CENPE: variants seen among roughly 807,000 people sequenced by gnomAD.
CENPE encodes the protein centromere-associated protein E.
In CENPE, 145 loss-of-function variants were observed where a neutral mutation model predicts 336.1. That is an observed-to-expected ratio of 0.43 (90% CI 0.38 to 0.50). The LOEUF (loss-of-function observed/expected upper bound fraction) is 0.50, where lower values mean the gene tolerates loss of function less well. Among genes scored for constraint, CENPE ranks in the 20% least tolerant of loss-of-function variants. The probability of loss-of-function intolerance (pLI) is 0.00; values close to 1 mark genes in which losing one functional copy is unlikely to be tolerated. For missense variants in CENPE, 2,719 were observed against 3,023.3 expected (o/e 0.90, Z 2.36); for synonymous variants, 1,013 against 984.8 (o/e 1.03, Z -0.54).
intron 8 of CENPE, among the ~76,000 whole-genome samples, chr4:103,191,363 G>T (rs1239580041): frequency 6.6e-6 from 1 of 152,150 alleles, no homozygotes; most frequent in African/African-American, 2.4e-5. Flanking sequence ...ATTTATTGTA[G>T]CACTATTCAC....
chr4:103,112,479 A>G (rs973056251), intron 46 of CENPE, among the ~76,000 whole-genome samples: 2 of 145,220 alleles, frequency 1.4e-5, no homozygotes, highest in Non-Finnish European at 3.0e-5. Flanking sequence ...ATATACTTAT[A>G]TATACTAAGT....
In CENPE at chr4:103,115,128, A is replaced by T. The variant is rs186928843; in HGVS notation, c.7443-576T>A. ...TCTGTATCTGCTGACCCTATTCTTT[A>T]CTTTTCTTTTCTTTTTTTTTTTGAG... On this transcript the variant is annotated intron_variant, in intron 45 of 48. Transcript: ENST00000265148. 4.0e-5 allele frequency among the ~76,000 whole-genome samples: 6 copies of T among 150,872 alleles called. No individual in the cohort carries two copies. The East Asian group carries it at 9.7e-4, about 24-fold the overall frequency.
intron 42 of CENPE, among the ~76,000 whole-genome samples, chr4:103,130,820 G>C (rs1751518563): frequency 1.3e-5 from 2 of 149,408 alleles, no homozygotes; most frequent in Admixed American, 1.3e-4. Context: ...GAATAGAATA[G>C]AGAGCTCAGA....
chr4:103,168,849 T>C (rs1755147884), intron 16 of CENPE, among the ~76,000 whole-genome samples: 1 of 152,182 alleles, frequency 6.6e-6, no homozygotes, highest in South Asian at 2.1e-4. Context: ...GAAAAGACCT[T>C]ATAAAGATGG....
Position 103,143,353 on chromosome 4 carries a change from G to T in CENPE, c.5199C>A (p.His1733Gln). 6.2e-7 allele frequency: 1 copy of T among 1,606,782 alleles called. No individual in the cohort carries two copies. The change falls in exon 34 of 49, where the codon CAC becomes CAA. Residue 1733 changes from histidine (H) to glutamine (Q), a missense_variant. By Grantham distance (24) the His-to-Gln change is conservative. This residue lies in a region of CENPE where 2,437 missense variants were observed against 2,513.3 expected (regional missense o/e 0.97). Coordinates refer to ENST00000265148, the MANE Select transcript of CENPE (RefSeq NM_001813.3). ...LKIVHMHLKE[H>Q]QETIDKLRGI... ...CTCTTAGTTTATCAATAGTTTCTTG[G>T]TGCTCCTTCAGATGCATGTGAACAA... is the stretch of plus-strand genomic sequence containing the variant.
intron 11 of CENPE, chr4:103,181,771 A>C: frequency 5.3e-6 from 1 of 189,534 alleles, no homozygotes; most frequent in Non-Finnish European, 1.1e-5. Context: ...CTAGCCAAAA[A>C]TATCTCTCCT....
At chr4:103,150,425 TACA>T (rs1479483582) in intron 26 of CENPE, among the ~76,000 whole-genome samples, 3 of 151,884 alleles carry the variant, frequency 2.0e-5, no homozygotes, top group African/African-American at 7.3e-5. Context: ...CTACCAAAAA[TACA>T]ACAATTAGCT....
At chr4:103,151,598 A>G (rs1046198964) in intron 25 of CENPE, among the ~76,000 whole-genome samples, 2 of 152,220 alleles carry the variant, frequency 1.3e-5, no homozygotes, top group African/African-American at 2.4e-5. Flanking sequence ...CATTCCTACC[A>G]TGAGAATTAG....
Position 103,177,000 on chromosome 4 carries a change from T to A in CENPE, c.1289A>T (p.Lys430Ile). The A allele has an allele frequency of 5.0e-6, 8 of 1,608,924 alleles. No homozygotes were observed. Among genetic ancestry groups the A allele is most frequent in the Non-Finnish European group, 6.8e-6 (8 of 1,178,278 alleles). ...RVTWCLGKIN[K>I]MKNSNYADQF... is the part of the protein sequence containing the mutation. ...ATCTGCATAGTTTGAGTTCTTCATT[T>A]TGTTAATTTTGCCAAGGCACCAAGT... The change falls in exon 14 of 49, where the codon AAA (lysine) becomes ATA (isoleucine). Residue 430 changes from lysine (K) to isoleucine (I), a missense_variant. This residue lies in a region of CENPE where 2,437 missense variants were observed against 2,513.3 expected (regional missense o/e 0.97). Transcript: ENST00000265148.
At chr4:103,174,668 T>C in intron 16 of CENPE, 68 bp downstream of exon 16, 1 of 1,150,912 alleles carries the variant, frequency 8.7e-7, no homozygotes, top group Non-Finnish European at 1.2e-6. Context: ...GCTTACATTA[T>C]AGAAAAAAGA....
chr4:103,169,450 C>G (rs1647286696), intron 16 of CENPE, among the ~76,000 whole-genome samples: 1 of 152,146 alleles, frequency 6.6e-6, no homozygotes, highest in South Asian at 2.1e-4. Context: ...CAAATTCAAT[C>G]TAAATGACCC....
intron 24 of CENPE, among the ~76,000 whole-genome samples, chr4:103,155,001 C>A (rs1183389512): frequency 6.6e-6 from 1 of 152,138 alleles, no homozygotes; most frequent in East Asian, 1.9e-4. Context: ...ATGGCAGATT[C>A]CAGCATGAGC....
intron 39 of CENPE, among the ~76,000 whole-genome samples, chr4:103,137,031 GAC>G (rs1474206386): frequency 1.3e-5 from 2 of 152,048 alleles, no homozygotes; most frequent in East Asian, 1.9e-4. Context: ...CTATAAAACA[GAC>G]ACAGTCATTT....
intron 9 of CENPE, among the ~76,000 whole-genome samples, chr4:103,185,493 T>G (rs1389584650): frequency 6.6e-6 from 1 of 152,072 alleles, no homozygotes; most frequent in Non-Finnish European, 1.5e-5. Flanking sequence ...TTGTACCACA[T>G]TATCTTTCTT....
Position 103,158,358 on chromosome 4 carries a change from G to A in CENPE, c.2975C>T (p.Ser992Phe). 1 of 1,609,436 alleles carries A rather than the reference G, an allele frequency of 6.2e-7. No individual in the cohort carries two copies. Among genetic ancestry groups the A allele is most frequent in the Non-Finnish European group, 8.5e-7 (1 of 1,177,940 alleles). The change falls in exon 24 of 49, where the codon TCC becomes TTC. Residue 992 changes from serine to phenylalanine, a missense_variant. By Grantham distance (155) the Ser-to-Phe change is radical. This residue lies in a region of CENPE where 2,437 missense variants were observed against 2,513.3 expected (regional missense o/e 0.97). Coordinates refer to ENST00000265148, the MANE Select transcript of CENPE (RefSeq NM_001813.3). ...ATTTTCCTCCATATGCAAATTCCTGGAAACTTCCTCAGAAATTTTCGATTT... is the reference window on the plus strand; with the variant it reads ...ATTTTCCTCCATATGCAAATTCCTGAAAACTTCCTCAGAAATTTTCGATTT... Reference protein sequence around the residue: ...TLKSKISEEVSRNLHMEENTG... With the variant: ...TLKSKISEEVFRNLHMEENTG...
chr4:103,108,937 C>T lies in CENPE; in HGVS notation c.7877G>A (p.Cys2626Tyr). The T allele has an allele frequency of 6.2e-7, 1 of 1,613,838 alleles. No individual in the cohort carries two copies. Among genetic ancestry groups the T allele is most frequent in the Non-Finnish European group, 8.5e-7 (1 of 1,179,840 alleles). ...AGGATCTTGTAAATTCCGTTCCTTG[C>T]ATTGAGAGGGTGTAATTTGTTTCTT... ...SKKKQITPSQ[C>Y]KERNLQDPVP... Residue 2626 changes from cysteine (C) to tyrosine (Y), a missense_variant, in exon 48 of 49, where the codon TGC becomes TAC. Physicochemically the swap from Cys to Tyr is radical, Grantham distance 194 (BLOSUM62 -2). Coordinates refer to ENST00000265148, the MANE Select transcript of CENPE (RefSeq NM_001813.3).
chr4:103,189,905 C>T (rs1208804766), intron 8 of CENPE, among the ~76,000 whole-genome samples: 1 of 152,120 alleles, frequency 6.6e-6, no homozygotes, highest in Non-Finnish European at 1.5e-5. Context: ...ATCGTCTCAG[C>T]CCAAAATCTC....
At chr4:103,160,891 AT>A (rs1477027536) in intron 20 of CENPE, 112 bp from the exon 21 acceptor site, 16 of 1,044,250 alleles carry the variant, frequency 1.5e-5, no homozygotes, top group Non-Finnish European at 1.9e-5. Context: ...TATTTGAAAA[AT>A]AATCCCTTAT....
intron 40 of CENPE, among the ~76,000 whole-genome samples, chr4:103,134,365 T>A (rs996063038): frequency 6.6e-6 from 1 of 152,034 alleles, no homozygotes; most frequent in Non-Finnish European, 1.5e-5. Flanking sequence ...CCGGACATGG[T>A]GGCTCATGCC....
Sources: gnomAD v4.1 joint callset for allele counts (sites outside exome capture counted in the v4.1 genomes callset) on GRCh38, gnomAD v4.1.1 for gene constraint, gnomAD v4.1.1 regional missense constraint, MANE v1.5 for transcripts, NCBI Gene and HGNC (gene_info 2026-07-23, HGNC 2026-07-21) for gene names.